The following ELOVL6 variants were observed in gnomAD, a reference collection of about 807,000 sequenced individuals.
The protein encoded by ELOVL6 is very long chain fatty acid elongase 6.
ELOVL6 carries 8 observed loss-of-function variants against 31.7 expected under a neutral mutation model. That is an observed-to-expected ratio of 0.25 (90% CI 0.15 to 0.45). ELOVL6 has a LOEUF of 0.45. ELOVL6 is among the 20% of genes least tolerant of loss of function. The pLI, the probability that ELOVL6 is intolerant of heterozygous loss-of-function variation, is 1.00. For synonymous variants in ELOVL6, 101 were observed against 117.7 expected (o/e 0.86, Z 0.92); for missense variants, 126 against 326.4 (o/e 0.39, Z 4.73).
At chr4:110,101,644 G>A (rs1423168530) in intron 2 of ELOVL6, among the ~76,000 whole-genome samples, 4 of 152,006 alleles carry the variant, frequency 2.6e-5, no homozygotes, top group African/African-American at 4.8e-5. Context: ...CTGTACAAAT[G>A]CTGAAATTTT....
intron 2 of ELOVL6, among the ~76,000 whole-genome samples, chr4:110,080,359 C>T (rs994230251): frequency 9.9e-5 from 15 of 152,102 alleles, no homozygotes; most frequent in African/African-American, 3.6e-4. Flanking sequence ...ACTGGCAAAC[C>T]AAATCCAGCA....
At position 110,091,851 on chromosome 4, in the gene ELOVL6, G is replaced by T. The variant is rs192987121; in HGVS notation, c.221+13646C>A. Among the ~76,000 whole-genome samples, 253 of 152,284 alleles carry T rather than the reference G, an allele frequency of 1.7e-3. 4 individuals are homozygous for T. In the South Asian group the frequency reaches 0.036, roughly 22 times the overall value. Reference sequence around the variant, plus strand: ...TATAAAGTTGTTAGGAAATTGCAATGTGCAAGGAATGAAGTATTATGCCCC... The same window carrying T: ...TATAAAGTTGTTAGGAAATTGCAATTTGCAAGGAATGAAGTATTATGCCCC... On this transcript the variant is annotated intron_variant, in intron 2 of 3. Coordinates refer to ENST00000302274, the MANE Select transcript of ELOVL6 (RefSeq NM_024090.3).
At chr4:110,082,925 C>T (rs983866305) in intron 2 of ELOVL6, among the ~76,000 whole-genome samples, 5 of 148,592 alleles carry the variant, frequency 3.4e-5, no homozygotes, top group Admixed American at 1.3e-4. Flanking sequence ...CAAATTAAGA[C>T]ATTATTACTT....
At chr4:110,142,302 C>G (rs1306881627) in intron 1 of ELOVL6, among the ~76,000 whole-genome samples, 2 of 151,758 alleles carry the variant, frequency 1.3e-5, no homozygotes, top group Non-Finnish European at 2.9e-5. Context: ...GCCTTGGCCT[C>G]CTAAAGTGCT....
At chr4:110,071,022 C>A (rs1241210419) in intron 2 of ELOVL6, among the ~76,000 whole-genome samples, 1 of 152,110 alleles carries the variant, frequency 6.6e-6, no homozygotes, top group African/African-American at 2.4e-5. Flanking sequence ...TTCCCCCAAC[C>A]CAACTAACTA....
chr4:110,141,382 G>GGC (rs1757952285), intron 1 of ELOVL6, among the ~76,000 whole-genome samples: 1 of 151,982 alleles, frequency 6.6e-6, no homozygotes, highest in Admixed American at 6.6e-5. Flanking sequence ...GTATATAAAA[G>GGC]CTGCCTAGGT....
chr4:110,055,316 T>C (rs1282307662), intron 3 of ELOVL6, among the ~76,000 whole-genome samples: 2 of 152,200 alleles, frequency 1.3e-5, no homozygotes, highest in African/African-American at 4.8e-5. Context: ...GACTGTGTAT[T>C]TGAGTTGGTC....
chr4:110,078,168 G>A (rs1371703652), intron 2 of ELOVL6, among the ~76,000 whole-genome samples: 1 of 149,600 alleles, frequency 6.7e-6, no homozygotes, highest in East Asian at 2.0e-4. Context: ...ACACTCTGCA[G>A]GATATTATCC....
At position 110,051,680 on chromosome 4, in the gene ELOVL6, A is replaced by G. The variant is rs1017124045; in HGVS notation, c.456T>C (p.Ser152=). 15 of 1,614,074 alleles carry G rather than the reference A, an allele frequency of 9.3e-6. No individual in the cohort carries two copies. Among genetic ancestry groups the G allele is most frequent in the African/African-American group, 1.3e-5 (1 of 74,948 alleles). Residue 152 remains serine (S), a synonymous_variant, in exon 4 of 4, where the codon TCT becomes TCC. Coordinates refer to ENST00000302274, the MANE Select transcript of ELOVL6 (RefSeq NM_024090.3). The surrounding 1 kb of genome is among the most constrained non-coding windows in gnomAD (Gnocchi z 4.8). ...CAACCATGTCTTTGTAGGAGTACCA[A>G]GAGTACAGGAGCACAGTGATGTGGT... The part of the protein sequence containing the change: ...WYHHITVLLY[S]WYSYKDMVAG...
rs997463823 is a variant in ELOVL6, at chr4:110,050,675, T to C, written c.*663A>G. On this transcript the variant is annotated 3_prime_UTR_variant, in exon 4 of 4. Coordinates refer to ENST00000302274, the MANE Select transcript of ELOVL6 (RefSeq NM_024090.3). Reference sequence around the variant, plus strand: ...GGGGAAGTATTCACCCCCTTTGGTTTTGGCAAACTCACTAGCCTGAGGCTA... The same window carrying C: ...GGGGAAGTATTCACCCCCTTTGGTTCTGGCAAACTCACTAGCCTGAGGCTA... The C allele has an allele frequency of 6.5e-6, 1 of 152,902 alleles. No individual in the cohort carries two copies. The highest frequency in any genetic ancestry group is 1.5e-5 in the Non-Finnish European group (1 of 68,260). 9.5% of individuals were successfully genotyped at this position (152,902 alleles called of 1,614,324 possible). A position where few individuals can be genotyped will look rare whatever the true frequency, so the allele number is the denominator to read the frequency against.
At chr4:110,176,845 C>T (rs944979916) in intron 1 of ELOVL6, among the ~76,000 whole-genome samples, 2 of 152,232 alleles carry the variant, frequency 1.3e-5, no homozygotes, top group Non-Finnish European at 2.9e-5. Flanking sequence ...AAGCGATTCT[C>T]CTGCCTCAGC....
intron 2 of ELOVL6, among the ~76,000 whole-genome samples, chr4:110,083,191 GA>G (rs762895334): frequency 6.6e-6 from 1 of 151,684 alleles, no homozygotes; most frequent in Non-Finnish European, 1.5e-5. Flanking sequence ...GGAGACTGAT[GA>G]ATACATTAAA....
At chr4:110,056,854 A>G (rs914724273) in intron 3 of ELOVL6, among the ~76,000 whole-genome samples, 3 of 152,162 alleles carry the variant, frequency 2.0e-5, no homozygotes, top group Admixed American at 6.5e-5. Flanking sequence ...ACTGTATTCA[A>G]TTACAATGTC....
intron 1 of ELOVL6, among the ~76,000 whole-genome samples, chr4:110,137,643 T>C (rs894793410): frequency 6.6e-6 from 1 of 152,184 alleles, no homozygotes; most frequent in South Asian, 2.1e-4. Context: ...ATTAATAGAA[T>C]GTGGATTTTT....
chr4:110,084,557 C>CAGATATAT (rs1756169305), intron 2 of ELOVL6, among the ~76,000 whole-genome samples: 3 of 62,218 alleles, frequency 4.8e-5, no homozygotes, highest in African/African-American at 3.1e-4. Context: ...CACACACACA[C>CAGATATAT]ACACAGATAT....
At chr4:110,099,596 C>T (rs1272765298) in intron 2 of ELOVL6, among the ~76,000 whole-genome samples, 1 of 152,092 alleles carries the variant, frequency 6.6e-6, no homozygotes, top group Non-Finnish European at 1.5e-5. Context: ...ATTTTTAACA[C>T]CAAATTATCT....
At chr4:110,179,184 A>C (rs1275819792) in intron 1 of ELOVL6, among the ~76,000 whole-genome samples, 2 of 152,212 alleles carry the variant, frequency 1.3e-5, no homozygotes, top group Non-Finnish European at 2.9e-5. Flanking sequence ...AGACAAATAA[A>C]ATACATGTAT....
At chr4:110,178,055 T>C (rs1334180847) in intron 1 of ELOVL6, among the ~76,000 whole-genome samples, 20 of 152,208 alleles carry the variant, frequency 1.3e-4, no homozygotes. Flanking sequence ...AAAAATAATG[T>C]GCTACCTAAA....
chr4:110,067,661 A>T (rs752051671), intron 2 of ELOVL6, among the ~76,000 whole-genome samples: 6 of 152,250 alleles, frequency 3.9e-5, no homozygotes, highest in Admixed American at 1.3e-4. Flanking sequence ...CGATCTCTGC[A>T]TCAGGTGCTG....
Sources: allele counts gnomAD v4.1 joint callset (sites outside exome capture counted in the v4.1 genomes callset), GRCh38; gene constraint gnomAD v4.1.1; non-coding constraint Gnocchi (gnomAD v3.1); transcripts MANE v1.5; gene names NCBI Gene and HGNC (gene_info 2026-07-23, HGNC 2026-07-21).